GPM6A: variants seen among roughly 807,000 people sequenced by gnomAD.
The protein encoded by GPM6A is neuronal membrane glycoprotein M6-a.
Under a neutral mutation model 32.1 loss-of-function variants are expected in GPM6A, and 7 were observed. That is an observed-to-expected ratio of 0.22 (90% CI 0.12 to 0.41). GPM6A has a LOEUF of 0.41. Ranked by LOEUF, GPM6A falls within the 10% of genes least tolerant of loss-of-function variation. GPM6A has a pLI of 1.00. For missense variants in GPM6A, 235 were observed against 347.2 expected, an observed-to-expected ratio of 0.68 and a Z score of 2.57; for synonymous variants, 130 against 123.4, an observed-to-expected ratio of 1.05 and a Z score of -0.35.
At chr4:175,722,443 T>C (rs1486733686) in intron 1 of GPM6A, among the ~76,000 whole-genome samples, 1 of 152,178 alleles carries the variant, frequency 6.6e-6, no homozygotes, top group Non-Finnish European at 1.5e-5. Context: ...ATGCTGAAAC[T>C]CATTTTGCAA....
At chr4:175,804,926 T>A (rs991762131) in intron 1 of GPM6A, among the ~76,000 whole-genome samples, 5 of 152,072 alleles carry the variant, frequency 3.3e-5, no homozygotes, top group African/African-American at 1.2e-4. Flanking sequence ...GCGCCTGTAG[T>A]CCCAGCTATT....
chr4:175,857,026 A>G (rs902901340), intron 1 of GPM6A, among the ~76,000 whole-genome samples: 2 of 152,166 alleles, frequency 1.3e-5, no homozygotes, highest in East Asian at 3.9e-4. Flanking sequence ...TCTTCTACCC[A>G]GTATTTCCCT....
intron 2 of GPM6A, among the ~76,000 whole-genome samples, chr4:175,692,717 A>G (rs948838606): frequency 2.0e-5 from 3 of 152,074 alleles, no homozygotes; most frequent in African/African-American, 4.8e-5. Flanking sequence ...GTGATTTACT[A>G]TATTGCTTGT....
chr4:175,868,873 T>A (rs1188768213), intron 1 of GPM6A, among the ~76,000 whole-genome samples: 1 of 152,248 alleles, frequency 6.6e-6, no homozygotes, highest in Non-Finnish European at 1.5e-5. Context: ...ATTTGTTGCA[T>A]GACTTCAGGA....
At chr4:175,926,328 C>T (rs2111535160) in intron 1 of GPM6A, among the ~76,000 whole-genome samples, 2 of 152,158 alleles carry the variant, frequency 1.3e-5, no homozygotes, top group East Asian at 3.9e-4. Context: ...TAGGCTAGAA[C>T]AGAAAAACAC....
At chr4:175,891,182 A>T (rs973605112) in intron 1 of GPM6A, among the ~76,000 whole-genome samples, 6 of 152,190 alleles carry the variant, frequency 3.9e-5, no homozygotes, top group African/African-American at 1.4e-4. Context: ...AACAAGTCTG[A>T]ATTCATATTA....
intron 1 of GPM6A, among the ~76,000 whole-genome samples, chr4:175,756,957 G>A (rs1228008836): frequency 6.6e-6 from 1 of 152,018 alleles, no homozygotes; most frequent in Non-Finnish European, 1.5e-5. Context: ...GGCAAATATG[G>A]GGCAATGGGT....
At chr4:175,715,837 G>A (rs560576519) in intron 1 of GPM6A, among the ~76,000 whole-genome samples, 4 of 152,090 alleles carry the variant, frequency 2.6e-5, no homozygotes, top group East Asian at 1.9e-4. Flanking sequence ...AGGCCAAGGC[G>A]GGCAGATAAC....
intron 2 of GPM6A, among the ~76,000 whole-genome samples, chr4:175,691,775 TTAA>T (rs1469297054): frequency 6.6e-6 from 1 of 152,200 alleles, no homozygotes; most frequent in Non-Finnish European, 1.5e-5. Context: ...TGTGATTAAA[TTAA>T]TGATATTGAG....
At chr4:175,847,787 G>C (rs183801630) in intron 1 of GPM6A, among the ~76,000 whole-genome samples, 167 of 152,232 alleles carry the variant, frequency 1.1e-3, no homozygotes, top group Non-Finnish European at 1.8e-3. Flanking sequence ...ATTTATGCTA[G>C]TTTTGCTTAT....
At chr4:175,700,182 C>G (rs1301543015) in intron 2 of GPM6A, among the ~76,000 whole-genome samples, 1 of 151,900 alleles carries the variant, frequency 6.6e-6, no homozygotes, top group Non-Finnish European at 1.5e-5. Flanking sequence ...ATTCTCTTTT[C>G]ATTTTCAGGG....
intron 1 of GPM6A, among the ~76,000 whole-genome samples, chr4:175,726,622 T>C (rs1746423166): frequency 6.6e-6 from 1 of 152,206 alleles, no homozygotes; most frequent in Non-Finnish European, 1.5e-5. Flanking sequence ...GATTAGAATT[T>C]TGTTCCCATT....
chr4:175,908,070 T>A (rs1431826057), intron 1 of GPM6A, among the ~76,000 whole-genome samples: 1 of 152,086 alleles, frequency 6.6e-6, no homozygotes, highest in Non-Finnish European at 1.5e-5. Context: ...AAACAGTAAA[T>A]GTAGAAAAAA....
chr4:175,761,432 T>A (rs2047247), intron 1 of GPM6A, among the ~76,000 whole-genome samples: 50,803 of 152,028 alleles, frequency 0.33, 8,941 homozygotes, highest in East Asian at 0.39. Context: ...GCATACAATA[T>A]GATCTCCATA....
chr4:175,831,564 C>T (rs1227637464), intron 1 of GPM6A, among the ~76,000 whole-genome samples: 1 of 152,060 alleles, frequency 6.6e-6, no homozygotes, highest in African/African-American at 2.4e-5. Flanking sequence ...CAAAACAAAT[C>T]CGTGCTTAAT....
intron 1 of GPM6A, among the ~76,000 whole-genome samples, chr4:175,713,479 C>T (rs1179380638): frequency 1.3e-5 from 2 of 152,148 alleles, no homozygotes; most frequent in South Asian, 2.1e-4. Context: ...GTGTGAGCCA[C>T]GGAGCCCTGC....
intron 1 of GPM6A, among the ~76,000 whole-genome samples, chr4:175,804,886 A>C (rs879303846): frequency 2.0e-5 from 3 of 152,100 alleles, no homozygotes; most frequent in Non-Finnish European, 4.4e-5. Context: ...TCTACTAAAA[A>C]CACAAAAAAT....
intron 1 of GPM6A, among the ~76,000 whole-genome samples, chr4:175,976,703 C>T (rs920273448): frequency 8.5e-5 from 13 of 152,104 alleles, no homozygotes; most frequent in Middle Eastern, 3.2e-3. Context: ...GCTCCATTGG[C>T]CAGGCCCTGC....
At chr4:175,649,847 T>G (rs1249120573) in intron 4 of GPM6A, among the ~76,000 whole-genome samples, 20 of 152,190 alleles carry the variant, frequency 1.3e-4, no homozygotes, top group Non-Finnish European at 2.9e-4. Flanking sequence ...AAAAATATAG[T>G]TTGTTCATCT....
Sources: allele counts gnomAD v4.1 joint callset (sites outside exome capture counted in the v4.1 genomes callset), GRCh38; gene constraint gnomAD v4.1.1; transcripts MANE v1.5; gene names NCBI Gene and HGNC (gene_info 2026-07-23, HGNC 2026-07-21).